Variants in ATP2B4 observed in about 807,000 individuals in gnomAD.
ATP2B4 encodes the protein plasma membrane calcium-transporting ATPase 4.
Under a neutral mutation model 110.3 loss-of-function variants are expected in ATP2B4, and 39 were observed. The ratio of observed to expected loss-of-function variants is 0.35; its 90% CI spans 0.27 to 0.46. The LOEUF is 0.46. Among genes scored for constraint, ATP2B4 ranks in the 20% least tolerant of loss-of-function variants. The probability of loss-of-function intolerance (pLI) is 1.00; values close to 1 mark genes in which losing one functional copy is unlikely to be tolerated. For missense variants in ATP2B4, 1,135 were observed against 1,530.9 expected, an observed-to-expected ratio of 0.74 and a Z score of 4.32; for synonymous variants, 538 against 571.7, an observed-to-expected ratio of 0.94 and a Z score of 0.84.
intron 3 of ATP2B4, among the ~76,000 whole-genome samples, chr1:203,698,675 G>C (rs1665605798): frequency 6.6e-6 from 1 of 150,650 alleles, no homozygotes; most frequent in African/African-American, 2.4e-5. Context: ...ATGGAATCTT[G>C]CTCTGTCACC....
chr1:203,679,244 G>T (rs1664922854), intron 1 of ATP2B4, among the ~76,000 whole-genome samples: 4 of 152,184 alleles, frequency 2.6e-5, no homozygotes, highest in Non-Finnish European at 2.9e-5. Context: ...TGCCTAATCA[G>T]ATTAGGGGCC....
intron 1 of ATP2B4, among the ~76,000 whole-genome samples, chr1:203,634,195 CGTT>C (rs746566634): frequency 9.2e-5 from 14 of 152,110 alleles, no homozygotes; most frequent in Admixed American, 2.6e-4. Context: ...ACACATTTAT[CGTT>C]GTTTTTGTAG....
In ATP2B4 at chr1:203,740,206, C is replaced by T. The variant is rs1666970173; in HGVS notation, c.*352C>T. 1.3e-5 allele frequency: 3 copies of T among 232,040 alleles called. No individual in the cohort carries two copies. Among genetic ancestry groups the T allele is most frequent in the Non-Finnish European group, 2.5e-5 (3 of 117,800 alleles). 14.4% of individuals were successfully genotyped at this position (232,040 alleles called of 1,614,324 possible). The stretch of plus-strand genomic sequence containing the variant: ...TCCTCTCCTGAATTCTGGATTTTGT[C>T]CTACAAGTCTGTGCCATTTATAAGC... On this transcript the variant is annotated 3_prime_UTR_variant, in exon 21 of 21. Coordinates refer to ENST00000357681, the MANE Select transcript of ATP2B4 (RefSeq NM_001684.5).
intron 1 of ATP2B4, among the ~76,000 whole-genome samples, chr1:203,673,250 G>A (rs1664728571): frequency 6.6e-6 from 1 of 152,204 alleles, no homozygotes; most frequent in African/African-American, 2.4e-5. Context: ...AGAAACTCAG[G>A]AGTTGGCAGG....
intron 17 of ATP2B4, among the ~76,000 whole-genome samples, chr1:203,722,245 G>A (rs895040985): frequency 3.3e-5 from 5 of 152,136 alleles, no homozygotes; most frequent in East Asian, 1.9e-4. Context: ...TGAGATGGAA[G>A]GATCACTTGA....
Position 203,700,294 on chromosome 1 carries a change from C to A in ATP2B4, c.738C>A (p.Val246=), listed in dbSNP as rs749559217. Residue 246 remains valine (V), a synonymous_variant, in exon 5 of 21, where the codon GTC becomes GTA. Coordinates refer to ENST00000357681, the MANE Select transcript of ATP2B4 (RefSeq NM_001684.5). ...CTCTGACAGGGGAATCTGACCATGT[C>A]AAGAAGTCCCTGGACAAAGACCCCA... is the stretch of plus-strand genomic sequence containing the variant. ...ESSLTGESDH[V]KKSLDKDPML... 19 of 1,613,778 alleles carry A rather than the reference C, an allele frequency of 1.2e-5. No homozygotes were observed. The highest frequency in any genetic ancestry group is 6.7e-5 in the Admixed American group (4 of 59,980).
intron 18 of ATP2B4, among the ~76,000 whole-genome samples, chr1:203,723,192 C>T (rs914282721): frequency 6.6e-6 from 1 of 151,596 alleles, no homozygotes; most frequent in Non-Finnish European, 1.5e-5. Context: ...CAATATGAGA[C>T]TATGAGCTGA....
chr1:203,709,246 C>T (rs906620455), intron 10 of ATP2B4, 55 bp from the exon 11 acceptor site: 1 of 1,602,958 alleles, frequency 6.2e-7, no homozygotes. Flanking sequence ...TCCCTAAGTT[C>T]TCTGCCTTGT....
At chr1:203,673,872 G>A (rs979735531) in intron 1 of ATP2B4, among the ~76,000 whole-genome samples, 5 of 152,116 alleles carry the variant, frequency 3.3e-5, no homozygotes, top group Admixed American at 1.3e-4. Flanking sequence ...ACCAGGTCCC[G>A]ACCCGGTAGC....
chr1:203,661,283 T>C lies in ATP2B4; in HGVS notation c.-464-21459T>C, dbSNP rs141053817. On this transcript the variant is annotated intron_variant, in intron 1 of 20. Transcript: ENST00000357681. ...CTCAAAGGCAATATTATGAAAAAAG[T>C]GTGGCTTCTGCCAAAGTCGGGTTTG... Among the ~76,000 whole-genome samples, 832 of 152,224 alleles carry C rather than the reference T, an allele frequency of 5.5e-3. 15 individuals are homozygous for C. Among genetic ancestry groups the C allele is most frequent in the African/African-American group, 0.019 (769 of 41,536 alleles).
Position 203,740,005 on chromosome 1 carries a change from G to A in ATP2B4, c.*151G>A. On this transcript the variant is annotated 3_prime_UTR_variant, in exon 21 of 21. Coordinates refer to ENST00000357681, the MANE Select transcript of ATP2B4 (RefSeq NM_001684.5). ...TGAACCTCTACCTGACCATGAAGAG[G>A]CAAGAGCACAGACTTACAAGGATTT... 1.2e-6 allele frequency: 1 copy of A among 860,146 alleles called. No homozygotes were observed. Among genetic ancestry groups the A allele is most frequent in the Non-Finnish European group, 1.7e-6 (1 of 574,320 alleles). 53.3% of individuals were successfully genotyped at this position (860,146 alleles called of 1,614,324 possible).
Position 203,699,684 on chromosome 1 carries a change from A to G in ATP2B4, c.616A>G (p.Ile206Val). The change falls in exon 4 of 21, where the codon ATT becomes GTT. Residue 206 changes from isoleucine (I) to valine (V), a missense_variant. By Grantham distance (29) the Ile-to-Val change is conservative. This residue lies in a region of ATP2B4 where 101 missense variants were observed against 182.6 expected (regional missense o/e 0.55). Transcript: ENST00000357681. The part of the protein sequence containing the change: ...GQLIQLPVAE[I>V]VVGDIAQVKY... ...ACTCATCCAGCTCCCTGTGGCTGAG[A>G]TTGTGGTTGGTGATATTGCCCAAGT... 1 of 1,614,096 alleles carries G rather than the reference A, an allele frequency of 6.2e-7. No individual in the cohort carries two copies. Among genetic ancestry groups the G allele is most frequent in the Non-Finnish European group, 8.5e-7 (1 of 1,180,016 alleles).
At chr1:203,632,937 G>T (rs1368850724) in intron 1 of ATP2B4, among the ~76,000 whole-genome samples, 2 of 152,146 alleles carry the variant, frequency 1.3e-5, no homozygotes, top group Non-Finnish European at 2.9e-5. Context: ...TATCTTGTGG[G>T]TCTGTCCACT....
chr1:203,680,602 C>G (rs1187835730), intron 1 of ATP2B4, among the ~76,000 whole-genome samples: 4 of 83,080 alleles, frequency 4.8e-5, no homozygotes, highest in Admixed American at 3.2e-4. Flanking sequence ...GAGTGAGACT[C>G]CGTCTCAAAA....
intron 7 of ATP2B4, 137 bp downstream of exon 7, chr1:203,702,216 G>A: frequency 8.8e-7 from 1 of 1,141,510 alleles, no homozygotes; most frequent in East Asian, 2.5e-5. Flanking sequence ...TCATCCTGAG[G>A]AAGGTGCAGA....
intron 3 of ATP2B4, among the ~76,000 whole-genome samples, chr1:203,699,012 C>T (rs777553098): frequency 2.0e-5 from 3 of 152,090 alleles, no homozygotes; most frequent in East Asian, 3.9e-4. Flanking sequence ...TGGGGTCAAG[C>T]GATCTGCCTG....
At chr1:203,700,698 G>T (rs1013496386) in intron 5 of ATP2B4, 100 bp from the exon 6 acceptor site, 24 of 1,480,142 alleles carry the variant, frequency 1.6e-5, no homozygotes, top group Non-Finnish European at 2.1e-5. Context: ...TATCCATGGG[G>T]TAGGGAGGAG....
chr1:203,680,106 T>C (rs923087066), intron 1 of ATP2B4, among the ~76,000 whole-genome samples: 2 of 151,750 alleles, frequency 1.3e-5, no homozygotes, highest in Non-Finnish European at 2.9e-5. Flanking sequence ...TCAGACTGTC[T>C]TTTCTAATTC....
At chr1:203,662,953 A>G (rs1664393110) in intron 1 of ATP2B4, among the ~76,000 whole-genome samples, 1 of 152,204 alleles carries the variant, frequency 6.6e-6, no homozygotes, top group African/African-American at 2.4e-5. Flanking sequence ...CAGAAGTGCT[A>G]GCTAGAGAGA....
Sources: gnomAD v4.1 joint callset for allele counts (sites outside exome capture counted in the v4.1 genomes callset) on GRCh38, gnomAD v4.1.1 for gene constraint, gnomAD v4.1.1 regional missense constraint, MANE v1.5 for transcripts, NCBI Gene and HGNC (gene_info 2026-07-23, HGNC 2026-07-21) for gene names.